The following RALGAPA1 variants were observed in gnomAD, a reference collection of about 807,000 sequenced individuals.
The protein encoded by RALGAPA1 is ral GTPase-activating protein subunit alpha-1.
Under a neutral mutation model 269.6 loss-of-function variants are expected in RALGAPA1, and 52 were observed. The ratio of observed to expected loss-of-function variants is 0.19; its 90% CI spans 0.15 to 0.24. RALGAPA1 has a LOEUF of 0.24. Ranked by LOEUF, RALGAPA1 falls within the 10% of genes least tolerant of loss-of-function variation. The pLI is 1.00. For synonymous variants in RALGAPA1, 817 were observed against 1,008.3 expected (o/e 0.81, Z 3.60); for missense variants, 1,917 against 3,013.9 (o/e 0.64, Z 8.52).
At chr14:35,608,409 TG>T (rs1357655028) in intron 35 of RALGAPA1, among the ~76,000 whole-genome samples, 2 of 152,116 alleles carry the variant, frequency 1.3e-5, no homozygotes, top group Non-Finnish European at 2.9e-5. Flanking sequence ...GGCTAATTAC[TG>T]GGGGGAAACC....
intron 22 of RALGAPA1, chr14:35,676,162 A>G (rs1270788041): frequency 6.6e-6 from 1 of 152,212 alleles, no homozygotes; most frequent in African/African-American, 2.4e-5. Flanking sequence ...AAAGCTAACA[A>G]AATTTTAAAT....
intron 37 of RALGAPA1, among the ~76,000 whole-genome samples, chr14:35,584,806 G>A (rs965515015): frequency 6.6e-6 from 1 of 151,896 alleles, no homozygotes; most frequent in African/African-American, 2.4e-5. Context: ...GAATACAGCA[G>A]ACAAAAATAG....
intron 33 of RALGAPA1, among the ~76,000 whole-genome samples, chr14:35,632,142 C>G (rs1333623456): frequency 6.6e-6 from 1 of 152,120 alleles, no homozygotes; most frequent in Non-Finnish European, 1.5e-5. Flanking sequence ...AAAAATCTCT[C>G]AAATTGTTTA....
chr14:35,694,780 T>C (rs1288277527), intron 17 of RALGAPA1, among the ~76,000 whole-genome samples: 3 of 152,110 alleles, frequency 2.0e-5, no homozygotes, highest in Non-Finnish European at 4.4e-5. Flanking sequence ...ATGTTCTTTT[T>C]AAAAAATTAA....
At chr14:35,672,175 A>T (rs2140250672) in intron 25 of RALGAPA1, among the ~76,000 whole-genome samples, 1 of 152,282 alleles carries the variant, frequency 6.6e-6, no homozygotes, top group South Asian at 2.1e-4. Context: ...CACTAATTTT[A>T]AATTAATGCA....
Position 35,721,769 on chromosome 14 carries a change from G to C in RALGAPA1, c.2185C>G (p.Pro729Ala), listed in dbSNP as rs1355159102. ...GTTGTTGCACTCCTCTGTCTCATTG[G>C]GGCTTGGCCAGGCTGATCACGACTC... ...GWSRDQPGQAPMRQRSATTTG... is the reference protein window; with the variant it reads ...GWSRDQPGQAAMRQRSATTTG... Residue 729 changes from proline (P) to alanine (A), a missense_variant, in exon 16 of 42, where the codon CCA becomes GCA. Pro to Ala is a conservative substitution (Grantham distance 27). Coordinates refer to ENST00000680220, the MANE Select transcript of RALGAPA1 (RefSeq NM_001346249.2). The C allele has an allele frequency of 2.5e-6, 4 of 1,612,812 alleles. No individual in the cohort carries two copies. The highest frequency in any genetic ancestry group is 3.4e-6 in the Non-Finnish European group (4 of 1,179,038).
chr14:35,685,055 T>A lies in RALGAPA1; in HGVS notation c.4168A>T (p.Ile1390Phe). 1 of 1,603,846 alleles carries A rather than the reference T, an allele frequency of 6.2e-7. No individual in the cohort carries two copies. Among genetic ancestry groups the A allele is most frequent in the South Asian group, 1.1e-5 (1 of 89,238 alleles). Residue 1390 changes from isoleucine to phenylalanine, a missense_variant, in exon 20 of 42, where the codon ATT becomes TTT. Around this residue, in one of 11 missense-constraint regions of RALGAPA1, gnomAD observed 615 missense variants for 790.0 expected, o/e 0.78. Transcript: ENST00000680220. ...TCTGAGGGCACACCTGGGTCATCAATAGGGCGCATCTGGTTCTGCTTGTTT... is the reference window on the plus strand; with the variant it reads ...TCTGAGGGCACACCTGGGTCATCAAAAGGGCGCATCTGGTTCTGCTTGTTT... ...ILNKQNQMRP[I>F]DDPGVPSEWT...
chr14:35,700,404 G>T, intron 16 of RALGAPA1, 102 bp from the exon 17 acceptor site: 1 of 883,898 alleles, frequency 1.1e-6, no homozygotes, highest in Non-Finnish European at 1.6e-6. Flanking sequence ...AAACTAAAAG[G>T]TACAAAGGAA....
At chr14:35,552,710 C>A in intron 39 of RALGAPA1, among the ~76,000 whole-genome samples, 1 of 135,004 alleles carries the variant, frequency 7.4e-6, no homozygotes, top group Non-Finnish European at 1.5e-5. Context: ...TAATACAGAA[C>A]TAGCCAATCA....
In RALGAPA1 at chr14:35,678,031, T is replaced by G. The variant is rs1365590010; in HGVS notation, c.4543A>C (p.Asn1515His). The G allele has an allele frequency of 6.2e-7, 1 of 1,613,164 alleles. No homozygotes were observed. The highest frequency in any genetic ancestry group is 1.3e-5 in the African/African-American group (1 of 74,878). ...TCCTTCTGTTCCATGTGATCTATAT[T>G]CAATGTAGAAGGGGAAGGAGTCTGT... Reference protein sequence around the residue: ...RSQTPSPSTLNIDHMEQKDLQ... With the variant: ...RSQTPSPSTLHIDHMEQKDLQ... Residue 1515 changes from asparagine (N) to histidine (H), a missense_variant, in exon 22 of 42, where the codon AAT becomes CAT. Asn to His is a moderately conservative substitution (Grantham distance 68). This residue lies in a region of RALGAPA1 where 615 missense variants were observed against 790.0 expected (regional missense o/e 0.78). Transcript: ENST00000680220.
intron 34 of RALGAPA1, 46 bp downstream of exon 34, chr14:35,627,044 A>G (rs1352853666): frequency 1.5e-6 from 2 of 1,347,826 alleles, no homozygotes; most frequent in Non-Finnish European, 1.9e-6. Flanking sequence ...AAGATGAATA[A>G]GACCGAAAAA....
intron 35 of RALGAPA1, among the ~76,000 whole-genome samples, chr14:35,606,056 T>C (rs2059579128): frequency 6.6e-6 from 1 of 152,234 alleles, no homozygotes; most frequent in Non-Finnish European, 1.5e-5. Context: ...TTGTCTGTTT[T>C]GCAATGTAGC....
rs535435884 is a variant in RALGAPA1 at position 35,739,431 on chromosome 14, C to T, written c.1450-781G>A. Among the ~76,000 whole-genome samples, 3 of 152,296 alleles carry T rather than the reference C, an allele frequency of 2.0e-5. No individual in the cohort carries two copies. The South Asian group carries it at 6.2e-4, about 32-fold the overall frequency. ...TGCCATGGTCTAGTCTAGCCTTTCT[C>T]TTAAGCTCCATGTCCCTGTAATCAA... On this transcript the variant is annotated intron_variant, in intron 11 of 41. Coordinates refer to ENST00000680220, the MANE Select transcript of RALGAPA1 (RefSeq NM_001346249.2).
rs1383323163 is a variant in RALGAPA1, at chr14:35,685,138, G to T, written c.4085C>A (p.Thr1362Lys). The T allele has an allele frequency of 3.2e-6, 5 of 1,561,672 alleles. No homozygotes were observed. The highest frequency in any genetic ancestry group is 2.7e-5 in the African/African-American group (2 of 73,442). Reference sequence around the variant, plus strand: ...GCTGCCTGGACTACTTCCTCTTCTTGTCATAGTCTAAACGTTCAAGAAATA... The same window carrying T: ...GCTGCCTGGACTACTTCCTCTTCTTTTCATAGTCTAAACGTTCAAGAAATA... ...RLRSGNASTM[T>K]RRGSSPGSLE... is the part of the protein sequence containing the mutation. Residue 1362 changes from threonine to lysine, a missense_variant, in exon 20 of 42, where the codon ACA (threonine) becomes AAA (lysine). Thr to Lys is a moderately conservative substitution (Grantham distance 78). This residue lies in a region of RALGAPA1 where 615 missense variants were observed against 790.0 expected (regional missense o/e 0.78). Transcript: ENST00000680220.
At chr14:35,541,570 T>C (rs759131591) in intron 41 of RALGAPA1, among the ~76,000 whole-genome samples, 2 of 152,166 alleles carry the variant, frequency 1.3e-5, no homozygotes, top group East Asian at 1.9e-4. Context: ...AATTGGTTCA[T>C]AGCAGACCCA....
intron 35 of RALGAPA1, 137 bp downstream of exon 35, chr14:35,625,224 C>A: frequency 7.2e-6 from 3 of 418,812 alleles, no homozygotes; most frequent in Non-Finnish European, 1.2e-5. Flanking sequence ...CTAAATTTTC[C>A]TTAAAAAACT....
intron 28 of RALGAPA1, among the ~76,000 whole-genome samples, chr14:35,658,632 T>C (rs1270063877): frequency 6.6e-6 from 1 of 152,010 alleles, no homozygotes; most frequent in Non-Finnish European, 1.5e-5. Context: ...AAATGTCAGC[T>C]TTTATTTCTT....
intron 4 of RALGAPA1, among the ~76,000 whole-genome samples, chr14:35,762,969 T>C (rs1376543580): frequency 6.6e-6 from 1 of 152,192 alleles, no homozygotes; most frequent in East Asian, 1.9e-4. Context: ...ACATGATTTA[T>C]TTTATTAACA....
chr14:35,628,099 G>T, intron 33 of RALGAPA1, 148 bp from the exon 34 acceptor site: 1 of 957,386 alleles, frequency 1.0e-6, no homozygotes, highest in Non-Finnish European at 1.5e-6. Flanking sequence ...TGGCAAAAAA[G>T]GAGGAAAACC....
Sources: gnomAD v4.1 joint callset for allele counts (sites outside exome capture counted in the v4.1 genomes callset) on GRCh38, gnomAD v4.1.1 for gene constraint, gnomAD v4.1.1 regional missense constraint, MANE v1.5 for transcripts, NCBI Gene and HGNC (gene_info 2026-07-23, HGNC 2026-07-21) for gene names.